The following KCNH1 variants were observed in gnomAD, a reference collection of about 807,000 sequenced individuals.
KCNH1 encodes the protein potassium voltage-gated channel subfamily H member 1, also known as voltage-gated delayed rectifier potassium channel KCNH1.
KCNH1 carries 27 observed loss-of-function variants against 69.2 expected under a neutral mutation model. The observed-to-expected ratio is 0.39, with a 90% CI of 0.29 to 0.54. The LOEUF is 0.54. Ranked by LOEUF, KCNH1 falls within the 20% of genes least tolerant of loss-of-function variation. KCNH1 has a pLI of 0.68. For missense variants in KCNH1, 798 were observed against 1,261.6 expected (o/e 0.63, Z 5.57); for synonymous variants, 456 against 487.7 (o/e 0.93, Z 0.86).
At chr1:210,833,745 G>A (rs897431815) in intron 7 of KCNH1, among the ~76,000 whole-genome samples, 8 of 152,042 alleles carry the variant, frequency 5.3e-5, no homozygotes, top group African/African-American at 1.4e-4. Context: ...GAGTGAACAG[G>A]CAACCCACAA....
At chr1:210,799,130 T>C (rs1385372143) in intron 8 of KCNH1, among the ~76,000 whole-genome samples, 3 of 151,846 alleles carry the variant, frequency 2.0e-5, no homozygotes, top group Non-Finnish European at 2.9e-5. Flanking sequence ...GAAAGAAGGA[T>C]AGGCAAAGTT....
chr1:210,748,055 C>T (rs1457053175), intron 10 of KCNH1, among the ~76,000 whole-genome samples: 1 of 152,210 alleles, frequency 6.6e-6, no homozygotes, highest in East Asian at 1.9e-4. Context: ...TGGCTCTGCT[C>T]AGGGGCAGAG....
At chr1:211,018,049 C>T (rs1689523145) in intron 6 of KCNH1, among the ~76,000 whole-genome samples, 1 of 152,142 alleles carries the variant, frequency 6.6e-6, no homozygotes, top group Non-Finnish European at 1.5e-5. Context: ...CTCTTCCTGT[C>T]TCTCACTTCC....
intron 6 of KCNH1, among the ~76,000 whole-genome samples, chr1:210,952,067 AC>A (rs1335081215): frequency 6.6e-6 from 1 of 151,956 alleles, no homozygotes; most frequent in Non-Finnish European, 1.5e-5. Flanking sequence ...TTCTTCAGTC[AC>A]CCAGACAAGC....
intron 6 of KCNH1, among the ~76,000 whole-genome samples, chr1:210,971,098 T>C (rs1688503909): frequency 6.6e-6 from 1 of 152,050 alleles, no homozygotes; most frequent in South Asian, 2.1e-4. Flanking sequence ...TGAGATACCA[T>C]CTCATGCCAG....
intron 10 of KCNH1, among the ~76,000 whole-genome samples, chr1:210,705,699 C>G (rs573963049): frequency 6.6e-6 from 1 of 152,294 alleles, no homozygotes; most frequent in East Asian, 1.9e-4. Flanking sequence ...CTGATCTCTC[C>G]TTGGTCTTCC....
chr1:210,826,650 T>TTTCA, intron 7 of KCNH1, among the ~76,000 whole-genome samples: 1 of 152,300 alleles, frequency 6.6e-6, no homozygotes, highest in South Asian at 2.1e-4. Flanking sequence ...GCCTTCAGGA[T>TTTCA]TTCATTTGAG....
chr1:210,793,389 A>G (rs1684247025), intron 9 of KCNH1, among the ~76,000 whole-genome samples: 1 of 152,252 alleles, frequency 6.6e-6, no homozygotes, highest in East Asian at 1.9e-4. Flanking sequence ...TCACATAGCA[A>G]GAGAAGTATC....
At chr1:210,962,018 T>G (rs1688304350) in intron 6 of KCNH1, among the ~76,000 whole-genome samples, 1 of 152,146 alleles carries the variant, frequency 6.6e-6, no homozygotes, top group Non-Finnish European at 1.5e-5. Context: ...CTTCAAGTAG[T>G]TTTTACACAG....
At chr1:211,120,253 A>T (rs1278098623) in intron 1 of KCNH1, among the ~76,000 whole-genome samples, 3 of 151,236 alleles carry the variant, frequency 2.0e-5, no homozygotes, top group African/African-American at 7.3e-5. Flanking sequence ...GCAATGGTGC[A>T]ATCTCGGCTC....
chr1:210,745,733 C>T (rs1683135542), intron 10 of KCNH1, among the ~76,000 whole-genome samples: 1 of 152,016 alleles, frequency 6.6e-6, no homozygotes, highest in Non-Finnish European at 1.5e-5. Flanking sequence ...AGCCTCAGTG[C>T]CCAGTTGCTT....
At chr1:210,991,492 C>G (rs1032431606) in intron 6 of KCNH1, among the ~76,000 whole-genome samples, 1 of 151,896 alleles carries the variant, frequency 6.6e-6, no homozygotes, top group African/African-American at 2.4e-5. Flanking sequence ...TCAAAGGGTA[C>G]AAAGTTTCAG....
At chr1:211,012,757 G>C (rs146401969) in intron 6 of KCNH1, among the ~76,000 whole-genome samples, 1 of 152,044 alleles carries the variant, frequency 6.6e-6, no homozygotes, top group African/African-American at 2.4e-5. Flanking sequence ...ATGAACCCTC[G>C]TGTAAACTAT....
intron 7 of KCNH1, among the ~76,000 whole-genome samples, chr1:210,878,586 A>C (rs568312950): frequency 1.3e-5 from 2 of 152,220 alleles, no homozygotes; most frequent in East Asian, 3.9e-4. Flanking sequence ...AATACTTCAA[A>C]CTAAATTTAA....
chr1:211,007,944 G>C (rs1689316054), intron 6 of KCNH1, among the ~76,000 whole-genome samples: 1 of 152,106 alleles, frequency 6.6e-6, no homozygotes, highest in Admixed American at 6.5e-5. Context: ...CTTGAGCACT[G>C]TTGGTGGGAA....
chr1:210,751,493 G>T (rs1299141286), intron 10 of KCNH1, among the ~76,000 whole-genome samples: 1 of 152,174 alleles, frequency 6.6e-6, no homozygotes, highest in Admixed American at 6.5e-5. Flanking sequence ...ATCCCAGTTT[G>T]CCTGGGACTA....
At chr1:211,124,221 T>A (rs1326200119) in intron 1 of KCNH1, among the ~76,000 whole-genome samples, 5 of 152,198 alleles carry the variant, frequency 3.3e-5, no homozygotes, top group Admixed American at 2.6e-4. Flanking sequence ...GGTAACCAAC[T>A]CACTGAACTG....
At chr1:211,006,915 C>T (rs191709864) in intron 6 of KCNH1, among the ~76,000 whole-genome samples, 1 of 151,556 alleles carries the variant, frequency 6.6e-6, no homozygotes, top group African/African-American at 2.4e-5. Flanking sequence ...AGTGTAATAC[C>T]ATTTTAATAA....
chr1:210,859,909 A>G, intron 7 of KCNH1: 1 of 1,365,802 alleles, frequency 7.3e-7, no homozygotes, highest in Non-Finnish European at 1.0e-6. Context: ...TATGCATTAT[A>G]ATGTAAAGCT....
Sources: allele counts gnomAD v4.1 joint callset (sites outside exome capture counted in the v4.1 genomes callset), GRCh38; gene constraint gnomAD v4.1.1; transcripts MANE v1.5; gene names NCBI Gene and HGNC (gene_info 2026-07-23, HGNC 2026-07-21).